PNLIP: variants seen among roughly 807,000 people sequenced by gnomAD.
The protein encoded by PNLIP is pancreatic lipase.
A neutral mutation model predicts 57.1 loss-of-function variants in PNLIP; 49 were observed. The ratio of observed to expected loss-of-function variants is 0.86; its 90% confidence interval spans 0.68 to 1.09. The LOEUF (loss-of-function observed/expected upper bound fraction) is 1.09, where lower values mean the gene tolerates loss of function less well. PNLIP is among the 50% of genes least tolerant of loss of function. PNLIP has a pLI of 0.00. For synonymous variants in PNLIP, 209 were observed against 200.4 expected (o/e 1.04, Z -0.36); for missense variants, 503 against 570.2 (o/e 0.88, Z 1.20).
At chr10:116,554,975 G>A (rs1307109909) in intron 6 of PNLIP, among the ~76,000 whole-genome samples, 10 of 152,182 alleles carry the variant, frequency 6.6e-5, no homozygotes, top group African/African-American at 2.4e-4. Flanking sequence ...CTCTCCCAGT[G>A]ACTATGGAGC....
intron 5 of PNLIP, among the ~76,000 whole-genome samples, chr10:116,552,860 T>A (rs926263926): frequency 6.8e-4 from 104 of 152,150 alleles, no homozygotes; most frequent in Middle Eastern, 3.4e-3. Flanking sequence ...CACTCCAGCC[T>A]GGGCAACAGA....
Position 116,551,267 on chromosome 10 carries a change from C to T in PNLIP, c.459+35C>T, listed in dbSNP as rs780713778. The T allele has an allele frequency of 5.1e-6, 6 of 1,177,630 alleles. No individual in the cohort carries two copies. The South Asian group carries it at 5.8e-5, about 11-fold the overall frequency. 72.9% of individuals were successfully genotyped at this position (1,177,630 alleles called of 1,614,324 possible). On this transcript the variant is annotated intron_variant, in intron 5 of 12. Transcript: ENST00000369221. ...CCCGGATTGCATAAAAGCCTGTACA[C>T]ATGGTTTTCCAGATTATCTTTCCAA... is the stretch of plus-strand genomic sequence containing the variant.
In PNLIP at chr10:116,547,670, AAGCCGAGATCG is replaced by A. The variant is rs1847143982; in HGVS notation, c.201+223_201+233del. Among the ~76,000 whole-genome samples the A allele has an allele frequency of 4.7e-5, 7 of 150,196 alleles. No homozygotes were observed. In the South Asian group the frequency reaches 1.5e-3, roughly 32 times the overall value. On this transcript the variant is annotated intron_variant, in intron 3 of 12. Transcript: ENST00000369221. The stretch of plus-strand genomic sequence containing the variant: ...GAACCCGGGAGGCAGAGCTTGCAGT[AAGCCGAGATCG>A]CGCCACTGCACTCCAGCCTGGGCGA...
At chr10:116,553,690 A>G (rs1223771398) in intron 5 of PNLIP, 37 bp from the exon 6 acceptor site, 2 of 1,262,060 alleles carry the variant, frequency 1.6e-6, no homozygotes, top group African/African-American at 1.5e-5. Context: ...TCATGACTGC[A>G]CTTGAAAACA....
At chr10:116,561,218 CTAAAG>C (rs1038575380) in intron 11 of PNLIP, among the ~76,000 whole-genome samples, 16 of 152,080 alleles carry the variant, frequency 1.1e-4, no homozygotes, top group Non-Finnish European at 2.2e-4. Flanking sequence ...TGAAGTTTTA[CTAAAG>C]TAAAGGTGAC....
Position 116,547,348 on chromosome 10 carries a change from C to A in PNLIP, c.101C>A (p.Ser34Ter), listed in dbSNP as rs1349991608. Reference sequence around the variant, plus strand: ...TGCTTCAGTGATGACTCCCCATGGTCAGGAATTACGGAAAGACCCCTCCAT... The same window carrying A: ...TGCTTCAGTGATGACTCCCCATGGTAAGGAATTACGGAAAGACCCCTCCAT... ...LGCFSDDSPW[S>*]GITERPLHIL... Residue 34 changes from serine to a stop codon, truncating the protein, a stop_gained, in exon 3 of 13, where the codon TCA becomes TAA. Transcript: ENST00000369221. LOFTEE classifies it high-confidence loss of function. 1 of 1,614,060 alleles carries A rather than the reference C, an allele frequency of 6.2e-7. No individual in the cohort carries two copies. Among genetic ancestry groups the A allele is most frequent in the East Asian group, 2.2e-5 (1 of 44,874 alleles).
At chr10:116,552,675 A>G (rs946001091) in intron 5 of PNLIP, among the ~76,000 whole-genome samples, 1 of 152,134 alleles carries the variant, frequency 6.6e-6, no homozygotes, top group Non-Finnish European at 1.5e-5. Context: ...TCATGAGGTC[A>G]GGAGATGGAG....
At chr10:116,567,234 C>G (rs1011976764) in intron 12 of PNLIP, among the ~76,000 whole-genome samples, 1 of 138,704 alleles carries the variant, frequency 7.2e-6, no homozygotes. Flanking sequence ...TTTCTTCTTT[C>G]TTTATTCCTT....
intron 2 of PNLIP, among the ~76,000 whole-genome samples, chr10:116,546,846 G>A (rs1167195514): frequency 1.3e-5 from 2 of 152,182 alleles, no homozygotes; most frequent in African/African-American, 4.8e-5. Context: ...TTCATCACAG[G>A]AATGAAGATG....
intron 6 of PNLIP, among the ~76,000 whole-genome samples, chr10:116,554,579 G>A (rs565734017): frequency 2.0e-5 from 3 of 152,304 alleles, no homozygotes; most frequent in African/African-American, 7.2e-5. Context: ...TCTGAGAGGT[G>A]ATTATTTTAA....
intron 12 of PNLIP, among the ~76,000 whole-genome samples, chr10:116,562,319 G>A (rs1847323362): frequency 6.6e-6 from 1 of 152,162 alleles, no homozygotes; most frequent in South Asian, 2.1e-4. Context: ...CAGATTTACT[G>A]GCCTGACTGA....
chr10:116,546,396 C>T (rs770058927), intron 2 of PNLIP, among the ~76,000 whole-genome samples: 1 of 152,190 alleles, frequency 6.6e-6, no homozygotes, highest in Non-Finnish European at 1.5e-5. Flanking sequence ...TATACTAAAA[C>T]ATTATCATTT....
In PNLIP at chr10:116,550,597, T is replaced by C. The variant is rs1464021283; in HGVS notation, c.325-501T>C. Among the ~76,000 whole-genome samples, 6 of 152,206 alleles carry C rather than the reference T, an allele frequency of 3.9e-5. No homozygotes were observed. The South Asian group carries it at 1.0e-3, about 26-fold the overall frequency. ...TCTTTCTATTGTGGAAAAACTTATT[T>C]ACCTTCAATGTATTTATATAAGGGG... On this transcript the variant is annotated intron_variant, in intron 4 of 12. Coordinates refer to ENST00000369221, the MANE Select transcript of PNLIP (RefSeq NM_000936.4).
intron 5 of PNLIP, 32 bp from the exon 6 acceptor site, chr10:116,553,694 GA>G (rs1564725266): frequency 1.4e-6 from 2 of 1,390,282 alleles, no homozygotes; most frequent in African/African-American, 1.4e-5. Flanking sequence ...GACTGCACTT[GA>G]AAACATTCTG....
rs1455993955 is a variant in PNLIP, at chr10:116,559,194, T to TGGG, written c.972_974dup (p.Gly325dup). 16 of 1,613,806 alleles carry TGGG rather than the reference T, an allele frequency of 9.9e-6. No homozygotes were observed. Among genetic ancestry groups the TGGG allele is most frequent in the Non-Finnish European group, 1.3e-5 (15 of 1,179,878 alleles). ...TGTCCAAGTGGAGGCTGCCCACAGA[T>TGGG]GGGTCACTATGCTGATAGATATCCT... On this transcript the variant is annotated inframe_insertion, in exon 10 of 13. Coordinates refer to ENST00000369221, the MANE Select transcript of PNLIP (RefSeq NM_000936.4).
intron 8 of PNLIP, 130 bp downstream of exon 8, chr10:116,555,637 C>T: frequency 9.4e-7 from 1 of 1,060,382 alleles, no homozygotes; most frequent in Non-Finnish European, 1.4e-6. Flanking sequence ...TAATTGTATC[C>T]ATGAGATGTA....
At chr10:116,557,768 G>A (rs1204508203) in intron 9 of PNLIP, among the ~76,000 whole-genome samples, 1 of 152,094 alleles carries the variant, frequency 6.6e-6, no homozygotes, top group Non-Finnish European at 1.5e-5. Context: ...TGCCAACTTG[G>A]TTCCTCCCTC....
At chr10:116,553,075 G>A (rs967848025) in intron 5 of PNLIP, among the ~76,000 whole-genome samples, 2 of 152,066 alleles carry the variant, frequency 1.3e-5, no homozygotes, top group Non-Finnish European at 2.9e-5. Context: ...TCCATTCATG[G>A]TAAATGCCCT....
intron 12 of PNLIP, 127 bp downstream of exon 12, chr10:116,561,763 C>T (rs1176987575): frequency 4.2e-6 from 3 of 719,684 alleles, no homozygotes; most frequent in Non-Finnish European, 6.8e-6. Flanking sequence ...GCAGTTGCTT[C>T]CTAATGCCTT....
Sources: allele counts gnomAD v4.1 joint callset (sites outside exome capture counted in the v4.1 genomes callset), GRCh38; gene constraint gnomAD v4.1.1; transcripts MANE v1.5; gene names NCBI Gene and HGNC (gene_info 2026-07-23, HGNC 2026-07-21).